Variants in NRXN3 observed in about 807,000 individuals in gnomAD.
NRXN3 encodes neurexin 3.
In NRXN3, 32 loss-of-function variants were observed where a neutral mutation model predicts 137.6. The observed-to-expected ratio is 0.23, with a 90% CI of 0.18 to 0.31. NRXN3 has a LOEUF of 0.31. Among genes scored for constraint, NRXN3 ranks in the 10% least tolerant of loss-of-function variants. The pLI, the probability that NRXN3 is intolerant of heterozygous loss-of-function variation, is 1.00. For synonymous variants in NRXN3, 798 were observed against 784.5 expected (o/e 1.02, Z -0.29); for missense variants, 1,574 against 2,062.5 (o/e 0.76, Z 4.59).
At chr14:78,835,650 C>CT (rs966132648) in intron 10 of NRXN3, among the ~76,000 whole-genome samples, 14 of 152,164 alleles carry the variant, frequency 9.2e-5, no homozygotes, top group Admixed American at 2.6e-4. Flanking sequence ...TATACATAGG[C>CT]TTTTTTTCCC....
chr14:79,306,573 TC>T, intron 15 of NRXN3, among the ~76,000 whole-genome samples: 1 of 152,112 alleles, frequency 6.6e-6, no homozygotes, highest in Admixed American at 6.6e-5. Flanking sequence ...TAATGACTAC[TC>T]ATTAACACCA....
chr14:78,334,423 T>G (rs547110149), intron 4 of NRXN3, among the ~76,000 whole-genome samples: 1 of 152,198 alleles, frequency 6.6e-6, no homozygotes, highest in East Asian at 1.9e-4. Flanking sequence ...TCCACTTGCT[T>G]CTCCATCTAT....
intron 10 of NRXN3, among the ~76,000 whole-genome samples, chr14:78,932,881 A>T (rs924463553): frequency 2.0e-5 from 3 of 152,212 alleles, no homozygotes; most frequent in Non-Finnish European, 4.4e-5. Context: ...AATCCAGGGT[A>T]CCTTCTATGT....
chr14:78,672,047 A>T (rs2097941488), intron 6 of NRXN3, among the ~76,000 whole-genome samples: 1 of 152,228 alleles, frequency 6.6e-6, no homozygotes, highest in South Asian at 2.1e-4. Flanking sequence ...TTTACAGCAG[A>T]TAAAGATGTA....
At chr14:79,170,741 T>C (rs1345559202) in intron 15 of NRXN3, among the ~76,000 whole-genome samples, 1 of 152,102 alleles carries the variant, frequency 6.6e-6, no homozygotes, top group Admixed American at 6.5e-5. Flanking sequence ...GCTATTTTAG[T>C]GTACCAAATC....
At chr14:79,840,363 T>TAGCTTA (rs1474273489) in intron 20 of NRXN3, among the ~76,000 whole-genome samples, 2 of 152,156 alleles carry the variant, frequency 1.3e-5, no homozygotes, top group Non-Finnish European at 2.9e-5. Context: ...TTAGGTAACC[T>TAGCTTA]GGGATTGTGC....
At position 79,267,007 on chromosome 14, in the gene NRXN3, A is replaced by G. The variant is rs112136455; in HGVS notation, c.3263-200214A>G. On this transcript the variant is annotated intron_variant, in intron 15 of 20. Coordinates refer to ENST00000335750, the MANE Select transcript of NRXN3 (RefSeq NM_001330195.2). ...TTTGGTCATCACTTAACTATCATATATATAATTGAAAGTTGACTGTAAGTA... is the reference window on the plus strand; with the variant it reads ...TTTGGTCATCACTTAACTATCATATGTATAATTGAAAGTTGACTGTAAGTA... 5.5e-3 allele frequency among the ~76,000 whole-genome samples: 840 copies of G among 152,358 alleles called. 9 individuals carry two copies. Among genetic ancestry groups the G allele is most frequent in the African/African-American group, 0.018 (755 of 41,580 alleles).
chr14:78,563,381 G>C (rs1375923911), intron 4 of NRXN3, among the ~76,000 whole-genome samples: 1 of 152,214 alleles, frequency 6.6e-6, no homozygotes, highest in African/African-American at 2.4e-5. Context: ...AACGGAAATA[G>C]GTTTGATGAA....
chr14:79,527,646 G>A (rs553278265), intron 16 of NRXN3, among the ~76,000 whole-genome samples: 7 of 152,042 alleles, frequency 4.6e-5, no homozygotes, highest in Non-Finnish European at 8.8e-5. Flanking sequence ...GCCAAGGTGG[G>A]AGGATCACTT....
chr14:78,869,738 T>A (rs1380890903), intron 10 of NRXN3, among the ~76,000 whole-genome samples: 1 of 152,208 alleles, frequency 6.6e-6, no homozygotes, highest in Non-Finnish European at 1.5e-5. Context: ...ATTAGGTACA[T>A]CTGTGTGTAC....
intron 15 of NRXN3, among the ~76,000 whole-genome samples, chr14:79,133,438 C>T (rs747256258): frequency 1.3e-5 from 2 of 152,224 alleles, no homozygotes; most frequent in East Asian, 1.9e-4. Flanking sequence ...TGACATTAGT[C>T]AGACTTTATT....
rs11845570 is a variant in NRXN3, at chr14:78,920,479, G to A, written c.2276-36763G>A. Among the ~76,000 whole-genome samples, 1,452 of 152,238 alleles carry A rather than the reference G, an allele frequency of 9.5e-3. 22 individuals carry two copies. Among genetic ancestry groups the A allele is most frequent in the African/African-American group, 0.032 (1,345 of 41,534 alleles). On this transcript the variant is annotated intron_variant, in intron 10 of 20. Transcript: ENST00000335750. ...TATTCAACAGAAAGCATTGAACACT[G>A]TATTTCTTTTCTGACAACCACTTCT...
intron 4 of NRXN3, among the ~76,000 whole-genome samples, chr14:78,411,272 T>A (rs8008709): frequency 0.59 from 90,144 of 151,954 alleles, 27,211 homozygotes; most frequent in African/African-American, 0.7. Flanking sequence ...CTTGTCATTA[T>A]TGTATGGGTT....
chr14:78,553,966 T>C (rs1205331872), intron 4 of NRXN3, among the ~76,000 whole-genome samples: 1 of 152,020 alleles, frequency 6.6e-6, no homozygotes, highest in African/African-American at 2.4e-5. Context: ...CATAACACTT[T>C]TTAAAAAAGA....
chr14:78,246,046 A>G lies in NRXN3; in HGVS notation c.709+2244A>G, dbSNP rs571020200. Among the ~76,000 whole-genome samples the G allele has an allele frequency of 2.6e-5, 4 of 152,334 alleles. No homozygotes were observed. In the South Asian group the frequency reaches 8.3e-4, roughly 32 times the overall value. On this transcript the variant is annotated intron_variant, in intron 2 of 20. Transcript: ENST00000335750. ...TGATCACTTGTTTTCTCATTCGCCC[A>G]AAGGATCTGTTCTGTTCTCAAAACT... is the stretch of plus-strand genomic sequence containing the variant.
intron 10 of NRXN3, among the ~76,000 whole-genome samples, chr14:78,953,086 T>C (rs138310963): frequency 6.6e-6 from 1 of 152,376 alleles, no homozygotes; most frequent in Non-Finnish European, 1.5e-5. Context: ...TCATGTAATA[T>C]GAACAGTCTA....
At chr14:79,200,259 T>C (rs2065782776) in intron 15 of NRXN3, among the ~76,000 whole-genome samples, 1 of 152,202 alleles carries the variant, frequency 6.6e-6, no homozygotes, top group African/African-American at 2.4e-5. Context: ...GCTAAAGTTG[T>C]GGATTTGCAC....
chr14:78,923,725 T>C (rs925218190), intron 10 of NRXN3, among the ~76,000 whole-genome samples: 2 of 152,224 alleles, frequency 1.3e-5, no homozygotes, highest in African/African-American at 2.4e-5. Flanking sequence ...GCATTTATTG[T>C]ACAACAGATA....
chr14:79,770,947 C>A (rs944582177), intron 19 of NRXN3, among the ~76,000 whole-genome samples: 12 of 152,114 alleles, frequency 7.9e-5, no homozygotes, highest in Non-Finnish European at 1.6e-4. Flanking sequence ...GAAGATATCA[C>A]CACCGATCCC....
Sources: allele counts gnomAD v4.1 joint callset (sites outside exome capture counted in the v4.1 genomes callset), GRCh38; gene constraint gnomAD v4.1.1; transcripts MANE v1.5; gene names NCBI Gene and HGNC (gene_info 2026-07-23, HGNC 2026-07-21).